Variants in RBM33 observed in about 807,000 individuals in gnomAD.
The protein encoded by RBM33 is RNA binding motif protein 33, also known as RNA-binding protein 33.
A neutral mutation model predicts 132.6 loss-of-function variants in RBM33; 28 were observed. The observed-to-expected ratio is 0.21, with a 90% CI of 0.16 to 0.29. The LOEUF is 0.29. Among genes scored for constraint, RBM33 ranks in the 10% least tolerant of loss-of-function variants. The pLI, the probability that RBM33 is intolerant of heterozygous loss-of-function variation, is 1.00. For missense variants in RBM33, 1,291 were observed against 1,518.5 expected, an observed-to-expected ratio of 0.85 and a Z score of 2.49; for synonymous variants, 634 against 593.0, an observed-to-expected ratio of 1.07 and a Z score of -1.01.
At chr7:155,652,037 C>G (rs1798368877) in intron 1 of RBM33, among the ~76,000 whole-genome samples, 1 of 152,110 alleles carries the variant, frequency 6.6e-6, no homozygotes, top group Non-Finnish European at 1.5e-5. Flanking sequence ...CTCATATGTT[C>G]ACTTCGAAAG....
chr7:155,649,974 C>T, intron 1 of RBM33, among the ~76,000 whole-genome samples: 1 of 152,230 alleles, frequency 6.6e-6, no homozygotes, highest in Non-Finnish European at 1.5e-5. Context: ...GCCCAGCCTT[C>T]AGCATATGCA....
intron 9 of RBM33, among the ~76,000 whole-genome samples, chr7:155,731,095 A>G (rs1800941757): frequency 1.3e-5 from 2 of 152,344 alleles, no homozygotes; most frequent in African/African-American, 2.4e-5. Flanking sequence ...GTGGCAAAGT[A>G]AAAAATCGAA....
chr7:155,702,243 A>G (rs1799987275), intron 6 of RBM33, among the ~76,000 whole-genome samples: 1 of 152,184 alleles, frequency 6.6e-6, no homozygotes. Context: ...GCAGATACGA[A>G]TTCTGTGGGA....
intron 6 of RBM33, among the ~76,000 whole-genome samples, chr7:155,706,457 G>C (rs1398593440): frequency 2.0e-5 from 3 of 152,070 alleles, no homozygotes; most frequent in African/African-American, 7.2e-5. Flanking sequence ...TCACGCCACT[G>C]TGCTCTAGCC....
At chr7:155,660,847 CCTT>C (rs1455117429) in intron 1 of RBM33, among the ~76,000 whole-genome samples, 1 of 152,066 alleles carries the variant, frequency 6.6e-6, no homozygotes, top group African/African-American at 2.4e-5. Context: ...TCTGTCCTCT[CCTT>C]CTGGTGCTCC....
At chr7:155,697,300 T>C (rs1799821339) in intron 5 of RBM33, among the ~76,000 whole-genome samples, 1 of 152,222 alleles carries the variant, frequency 6.6e-6, no homozygotes, top group South Asian at 2.1e-4. Flanking sequence ...GGTTGTGATG[T>C]ATTATCCTTT....
chr7:155,762,219 AT>A (rs1253128188), intron 14 of RBM33, among the ~76,000 whole-genome samples: 2 of 152,120 alleles, frequency 1.3e-5, no homozygotes, highest in Admixed American at 1.3e-4. Flanking sequence ...GGTTTCTCAG[AT>A]TTCTGGCTGG....
intron 10 of RBM33, 95 bp downstream of exon 10, chr7:155,737,757 G>C: frequency 7.5e-7 from 1 of 1,338,480 alleles, no homozygotes. Flanking sequence ...TGAACTCCCA[G>C]TTGGAGATGT....
intron 16 of RBM33, among the ~76,000 whole-genome samples, chr7:155,772,858 C>T (rs578093783): frequency 4.6e-5 from 7 of 152,194 alleles, no homozygotes; most frequent in Non-Finnish European, 8.8e-5. Flanking sequence ...TCTGTGTAAA[C>T]GCTGTTGTAG....
chr7:155,711,682 G>A (rs1392519858), intron 8 of RBM33, among the ~76,000 whole-genome samples: 3 of 152,182 alleles, frequency 2.0e-5, no homozygotes, highest in South Asian at 2.1e-4. Context: ...TCCCAGCCCC[G>A]ATGATTTTGC....
intron 5 of RBM33, among the ~76,000 whole-genome samples, chr7:155,691,868 G>A (rs1563146245): frequency 6.6e-6 from 1 of 151,998 alleles, no homozygotes; most frequent in Non-Finnish European, 1.5e-5. Context: ...TGGGCAACAT[G>A]GCAAAGCCCC....
Position 155,669,463 on chromosome 7 carries a change from A to G in RBM33, c.123-3404A>G, listed in dbSNP as rs1310222854. Among the ~76,000 whole-genome samples, 3 of 152,088 alleles carry G rather than the reference A, an allele frequency of 2.0e-5. No homozygotes were observed. In the East Asian group the frequency reaches 5.8e-4, roughly 29 times the overall value. ...TACCTCCCAGGTTCAAGCGATTCTC[A>G]TGCCTCAGTCTCCCGAGTAGCCGGG... On this transcript the variant is annotated intron_variant, in intron 2 of 17. Transcript: ENST00000401878.
At chr7:155,675,250 C>T (rs1468300346) in intron 3 of RBM33, among the ~76,000 whole-genome samples, 2 of 145,436 alleles carry the variant, frequency 1.4e-5, no homozygotes, top group Non-Finnish European at 3.0e-5. Flanking sequence ...ACCGAGATCA[C>T]GCCACTGTAC....
At chr7:155,743,458 T>C (rs931496129) in intron 13 of RBM33, among the ~76,000 whole-genome samples, 1 of 152,256 alleles carries the variant, frequency 6.6e-6, no homozygotes, top group Non-Finnish European at 1.5e-5. Context: ...TTCTAAAGGA[T>C]TCTTCCATGG....
intron 3 of RBM33, among the ~76,000 whole-genome samples, chr7:155,678,205 T>C (rs961785695): frequency 6.6e-6 from 1 of 152,234 alleles, no homozygotes; most frequent in South Asian, 2.1e-4. Flanking sequence ...AATTACACTT[T>C]TTGTGTTGTT....
intron 3 of RBM33, among the ~76,000 whole-genome samples, chr7:155,673,940 G>GTTGTTTTTTGTTTTTTTTTTTTTTTTTT: frequency 1.8e-5 from 1 of 54,214 alleles, no homozygotes; most frequent in African/African-American, 8.3e-5. Context: ...TTTAGGCTTA[G>GTTGTTTTTTGTTTTTTTTTTTTTTTTTT]TTTTTTTTTT....
chr7:155,728,492 C>T (rs777044694), intron 9 of RBM33, among the ~76,000 whole-genome samples: 4 of 152,174 alleles, frequency 2.6e-5, no homozygotes, highest in Non-Finnish European at 5.9e-5. Flanking sequence ...TCAGAAATTG[C>T]CTTGTTTACT....
intron 9 of RBM33, among the ~76,000 whole-genome samples, chr7:155,726,361 G>GTT (rs766851424): frequency 4.8e-5 from 7 of 144,558 alleles, no homozygotes; most frequent in South Asian, 2.2e-4. Flanking sequence ...GTTTTTCATC[G>GTT]TTTTTTTTTT....
At chr7:155,663,122 T>G (rs968585704) in intron 1 of RBM33, among the ~76,000 whole-genome samples, 1 of 152,164 alleles carries the variant, frequency 6.6e-6, no homozygotes, top group Non-Finnish European at 1.5e-5. Context: ...CCCATGGAGC[T>G]CCTCATTCTG....
Sources: gnomAD v4.1 joint callset for allele counts (sites outside exome capture counted in the v4.1 genomes callset) on GRCh38, gnomAD v4.1.1 for gene constraint, MANE v1.5 for transcripts, NCBI Gene and HGNC (gene_info 2026-07-23, HGNC 2026-07-21) for gene names.